Variants in RNASEL observed in about 807,000 individuals in gnomAD.
RNASEL encodes the protein ribonuclease L.
A neutral mutation model predicts 50.9 loss-of-function variants in RNASEL; 36 were observed. The observed-to-expected ratio is 0.71, with a 90% CI of 0.54 to 0.93. The LOEUF is 0.93. RNASEL is among the 40% of genes least tolerant of loss of function. The probability of loss-of-function intolerance (pLI) is 0.00; values close to 1 mark genes in which losing one functional copy is unlikely to be tolerated. For synonymous variants in RNASEL, 335 were observed against 335.6 expected (o/e 1.00, Z 0.02); for missense variants, 860 against 894.5 (o/e 0.96, Z 0.49).
intron 5 of RNASEL, chr1:182,578,255 A>T (rs956665108): frequency 1.3e-5 from 2 of 152,232 alleles, no homozygotes; most frequent in African/African-American, 4.8e-5. Context: ...TGATATCCAG[A>T]ATTTACAAGG....
In RNASEL at chr1:182,586,141, C is replaced by G. The variant is rs141997272; in HGVS notation, c.666G>C (p.Thr222=). Residue 222 remains threonine, a synonymous_variant, in exon 2 of 7, where the codon ACG becomes ACC. Coordinates refer to ENST00000367559, the MANE Select transcript of RNASEL (RefSeq NM_021133.4). ...CAGCCCCATGGTCCAGCAGCAGATG[C>G]GTAATAGCCTCCACATCACTATCGT... ...SSDDSDVEAI[T]HLLLDHGADV... 3.1e-6 allele frequency: 5 copies of G among 1,614,192 alleles called. No homozygotes were observed. Among genetic ancestry groups the G allele is most frequent in the South Asian group, 1.1e-5 (1 of 91,080 alleles).
chr1:182,581,307 C>T lies in RNASEL; in HGVS notation c.1823G>A (p.Arg608Gln), dbSNP rs748023036. 8 of 1,613,896 alleles carry T rather than the reference C, an allele frequency of 5.0e-6. No homozygotes were observed. Among genetic ancestry groups the T allele is most frequent in the Admixed American group, 1.7e-5 (1 of 59,984 alleles). The change falls in exon 5 of 7, where the codon CGA becomes CAA. Residue 608 changes from arginine to glutamine, a missense_variant. Arg to Gln is a conservative substitution (Grantham distance 43). Coordinates refer to ENST00000367559, the MANE Select transcript of RNASEL (RefSeq NM_021133.4). ...NVGNESDIKT[R>Q]KSESEILRLL... ...TCTGAGGATCTCACTTTCAGATTTT[C>T]GTGTTTTGATGTCGGATTCATTTCC...
Position 182,585,844 on chromosome 1 carries a change from G to C in RNASEL, c.963C>G (p.Leu321=). 1 of 1,613,416 alleles carries C rather than the reference G, an allele frequency of 6.2e-7. No individual in the cohort carries two copies. The highest frequency in any genetic ancestry group is 8.5e-7 in the Non-Finnish European group (1 of 1,179,606). ...NYDHSLVKVL[L]SHGAKEDFHP... is the part of the protein sequence containing the mutation. ...GAAAATCTTCTTTGGCTCCATGAGA[G>C]AGAAGAACCTTCACAAGGGAATGGT... The change falls in exon 2 of 7, where the codon CTC becomes CTG. Residue 321 remains leucine, a synonymous_variant. Transcript: ENST00000367559.
rs749522330 is a variant in RNASEL, at chr1:182,582,235, A to G, written c.1590T>C (p.Tyr530=). The change falls in exon 4 of 7, where the codon TAT becomes TAC. Residue 530 remains tyrosine, a synonymous_variant. Coordinates refer to ENST00000367559, the MANE Select transcript of RNASEL (RefSeq NM_021133.4). ...ATGAGATGCTTCCCTTCTTTACCAC[A>G]TAGAGGACCAGCCGTCCAAGGTCCT... The part of the protein sequence containing the change: ...DLEDLGRLVL[Y]VVKKGSISFE... 3.7e-6 allele frequency: 6 copies of G among 1,614,154 alleles called. 1 individual carries two copies. In the South Asian group the frequency reaches 6.6e-5, roughly 18 times the overall value.
chr1:182,579,091 A>T (rs1355911179), intron 5 of RNASEL: 1 of 234,146 alleles, frequency 4.3e-6, no homozygotes, highest in African/African-American at 2.3e-5. Flanking sequence ...GGAGGGTTGG[A>T]GGGAGAGGGA....
chr1:182,584,224 CAATT>C (rs1451345433), intron 2 of RNASEL, 58 bp from the exon 3 acceptor site: 44 of 1,094,866 alleles, frequency 4.0e-5, no homozygotes, highest in Non-Finnish European at 5.9e-5. Flanking sequence ...AAGTGAGAGT[CAATT>C]GATTTATATA....
chr1:182,581,755 C>T (rs1162390448), intron 4 of RNASEL, among the ~76,000 whole-genome samples: 5 of 152,122 alleles, frequency 3.3e-5, no homozygotes, highest in African/African-American at 1.2e-4. Context: ...GCTGGGATTA[C>T]AGGCGTGAGC....
chr1:182,575,336 T>C lies in RNASEL; in HGVS notation c.*56A>G, dbSNP rs149140894. The C allele has an allele frequency of 1.3e-6, 2 of 1,579,324 alleles. No homozygotes were observed. The highest frequency in any genetic ancestry group is 2.7e-5 in the African/African-American group (2 of 74,270). ...GTTAAAAGGCCCAGAATGTTGTGAT[T>C]TGCCAAGGACTCTACAGCTAATAAG... On this transcript the variant is annotated 3_prime_UTR_variant, in exon 7 of 7. Coordinates refer to ENST00000367559, the MANE Select transcript of RNASEL (RefSeq NM_021133.4).
At chr1:182,575,867 C>CT (rs1399075633) in intron 6 of RNASEL, among the ~76,000 whole-genome samples, 1 of 152,230 alleles carries the variant, frequency 6.6e-6, no homozygotes, top group African/African-American at 2.4e-5. Flanking sequence ...AACTGCAAGG[C>CT]TTTTTTGTGA....
chr1:182,576,110 A>C (rs1661373009), intron 6 of RNASEL, 146 bp downstream of exon 6: 1 of 728,920 alleles, frequency 1.4e-6, no homozygotes, highest in African/African-American at 1.8e-5. Flanking sequence ...CAACAGTGAT[A>C]GCCCTTTTAC....
At position 182,586,244 on chromosome 1, in the gene RNASEL, A is replaced by G; in HGVS notation, c.563T>C (p.Leu188Pro). 1.9e-6 allele frequency: 3 copies of G among 1,614,160 alleles called. No homozygotes were observed. Among genetic ancestry groups the G allele is most frequent in the Non-Finnish European group, 2.5e-6 (3 of 1,180,030 alleles). Residue 188 changes from leucine (L) to proline (P), a missense_variant, in exon 2 of 7, where the codon CTT becomes CCT. Transcript: ENST00000367559. ...GTTTACATCTGCCCCCATCTCATCAAGGAGAATCTTCAAGACCTCTACGTG... is the reference window on the plus strand; with the variant it reads ...GTTTACATCTGCCCCCATCTCATCAGGGAGAATCTTCAAGACCTCTACGTG... ...KGHVEVLKIL[L>P]DEMGADVNAC...
chr1:182,579,189 G>T, intron 5 of RNASEL: 1 of 949,140 alleles, frequency 1.1e-6, no homozygotes, highest in Non-Finnish European at 1.3e-6. Context: ...ATATATCCAT[G>T]TAACAAAACT....
At chr1:182,584,809 T>C (rs1661561009) in intron 2 of RNASEL, among the ~76,000 whole-genome samples, 1 of 152,196 alleles carries the variant, frequency 6.6e-6, no homozygotes. Flanking sequence ...CCTGGGACTT[T>C]ACGGTCAGCC....
In RNASEL at chr1:182,575,165, G is replaced by C; in HGVS notation, c.*227C>G. 1 of 562,652 alleles carries C rather than the reference G, an allele frequency of 1.8e-6. No homozygotes were observed. The highest frequency in any genetic ancestry group is 2.2e-5 in the South Asian group (1 of 45,318). The allele number at this position is 562,652 out of a possible 1,614,324, so 34.9% of individuals were successfully genotyped here. On this transcript the variant is annotated 3_prime_UTR_variant, in exon 7 of 7. Transcript: ENST00000367559. ...GGTGCAATTGACAAAAGGAATCTTA[G>C]CAGAATGTCCTCCCAGTTAGTGGGT...
chr1:182,583,609 C>T (rs867169776), intron 3 of RNASEL, among the ~76,000 whole-genome samples: 1 of 151,996 alleles, frequency 6.6e-6, no homozygotes. Context: ...CATTCAGTCA[C>T]GGTGGGCACC....
chr1:182,587,290 CAA>C (rs574339118), intron 1 of RNASEL, among the ~76,000 whole-genome samples: 219 of 152,072 alleles, frequency 1.4e-3, no homozygotes, highest in African/African-American at 5.1e-3. Flanking sequence ...TGTGTTATTG[CAA>C]AGTCTTGTAA....
chr1:182,587,758 T>C (rs944199911), intron 1 of RNASEL, among the ~76,000 whole-genome samples: 2 of 152,222 alleles, frequency 1.3e-5, no homozygotes, highest in Non-Finnish European at 2.9e-5. Flanking sequence ...GGTTGATCAC[T>C]GTGTTTGCTG....
At chr1:182,578,878 T>G (rs1409021582) in intron 5 of RNASEL, 1 of 152,248 alleles carries the variant, frequency 6.6e-6, no homozygotes, top group Non-Finnish European at 1.5e-5. Context: ...AAAATGTGTC[T>G]GGGCCATTTC....
At position 182,574,114 on chromosome 1, in the gene RNASEL, T is replaced by A; in HGVS notation, c.*1278A>T. The A allele has an allele frequency of 4.6e-6, 1 of 216,902 alleles. No individual in the cohort carries two copies. Among genetic ancestry groups the A allele is most frequent in the Non-Finnish European group, 9.3e-6 (1 of 107,936 alleles). The allele number at this position is 216,902 out of a possible 1,614,324, so 13.4% of individuals were successfully genotyped here. ...AAAATACTCAGATGTAATGTATACATTATAAAGCACCAGAAAAACGTAAGA... is the reference window on the plus strand; with the variant it reads ...AAAATACTCAGATGTAATGTATACAATATAAAGCACCAGAAAAACGTAAGA... On this transcript the variant is annotated 3_prime_UTR_variant, in exon 7 of 7. Coordinates refer to ENST00000367559, the MANE Select transcript of RNASEL (RefSeq NM_021133.4).
Sources: gnomAD v4.1 joint callset for allele counts (sites outside exome capture counted in the v4.1 genomes callset) on GRCh38, gnomAD v4.1.1 for gene constraint, MANE v1.5 for transcripts, NCBI Gene and HGNC (gene_info 2026-07-23, HGNC 2026-07-21) for gene names.